MICAL1: variants seen among roughly 807,000 people sequenced by gnomAD.
MICAL1 encodes the protein [F-actin]-monooxygenase MICAL1.
In MICAL1, 95 loss-of-function variants were observed where a neutral mutation model predicts 131.8. The ratio of observed to expected loss-of-function variants is 0.72; its 90% CI spans 0.61 to 0.86. The LOEUF (loss-of-function observed/expected upper bound fraction) is 0.86, where lower values mean the gene tolerates loss of function less well. Ranked by LOEUF, MICAL1 falls within the 40% of genes least tolerant of loss-of-function variation. MICAL1 has a pLI of 0.00. For synonymous variants in MICAL1, 546 were observed against 554.2 expected (o/e 0.99, Z 0.21); for missense variants, 1,292 against 1,380.6 (o/e 0.94, Z 1.02).
chr6:109,448,103 C>CACACACACACACACACACACAT, intron 13 of MICAL1, 100 bp downstream of exon 13: 1 of 1,348,994 alleles, frequency 7.4e-7, no homozygotes, highest in East Asian at 2.5e-5. Flanking sequence ...TTCTGACACA[C>CACACACACACACACACACACAT]ACACACACAC....
intron 1 of MICAL1, 139 bp from the exon 2 acceptor site, chr6:109,454,378 C>G: frequency 1.1e-6 from 1 of 894,310 alleles, no homozygotes; most frequent in Non-Finnish European, 1.6e-6. Flanking sequence ...CAGCCCATTC[C>G]CCTGCCAGCA....
At chr6:109,458,280 A>T (rs1775806396), upstream of MICAL1, among the ~76,000 whole-genome samples, 1 of 152,122 alleles carries the variant, frequency 6.6e-6, no homozygotes, top group African/African-American at 2.4e-5. Context: ...TAAGTGGGTG[A>T]CACATGAAGT....
rs1468754645 is a variant in MICAL1, at chr6:109,448,736, G to A, written c.1660C>T (p.Leu554=). The change falls in exon 12 of 25, where the codon CTG becomes TTG. Residue 554 remains leucine, a synonymous_variant. Transcript: ENST00000358807. ...GTGGGTCTGCCAGGGACTCACAGCA[G>A]GCCAGGCTGCAGCCGGTACACCAGG... ...CALVYRLQPG[L]LEPSELQGLG... 8 of 1,614,022 alleles carry A rather than the reference G, an allele frequency of 5.0e-6. No individual in the cohort carries two copies. The South Asian group carries it at 8.8e-5, about 18-fold the overall frequency.
At position 109,453,336 on chromosome 6, in the gene MICAL1, C is replaced by T; in HGVS notation, c.498G>A (p.Lys166=). ...TTTCCACCCCCAGCAGCAATGCTAC[C>T]TTCAGCAGAAGCAGCTGGAGCTGCC... The part of the protein sequence containing the change: ...SIRQLQLLLL[K]VALLLGVEIH... Residue 166 remains lysine (K), a synonymous_variant, in exon 4 of 25, where the codon AAG becomes AAA. Transcript: ENST00000358807. 1 of 1,614,090 alleles carries T rather than the reference C, an allele frequency of 6.2e-7. No homozygotes were observed. Among genetic ancestry groups the T allele is most frequent in the Non-Finnish European group, 8.5e-7 (1 of 1,180,012 alleles).
In MICAL1 at chr6:109,444,189, G is replaced by T; in HGVS notation, c.*2C>A. ...GAACGAAAGCAGACGGCCCACCCTC[G>T]TCTAGCCCTGGGCCCCTGTCCCCAA... On this transcript the variant is annotated 3_prime_UTR_variant, in exon 25 of 25. Transcript: ENST00000358807. The T allele has an allele frequency of 6.2e-7, 1 of 1,611,698 alleles. No homozygotes were observed. Among genetic ancestry groups the T allele is most frequent in the South Asian group, 1.1e-5 (1 of 91,040 alleles).
At chr6:109,465,262 TAA>T (rs1776004960) in intron 1 of MICAL1, 1 of 173,424 alleles carries the variant, frequency 5.8e-6, no homozygotes, top group Non-Finnish European at 1.2e-5. Flanking sequence ...TCTGAAGTGT[TAA>T]CACAATAAGC....
rs1228561355 is a variant in MICAL1, at chr6:109,454,147, A to T, written c.50T>A (p.Phe17Tyr). The T allele has an allele frequency of 6.2e-7, 1 of 1,612,488 alleles. No homozygotes were observed. The highest frequency in any genetic ancestry group is 8.5e-7 in the Non-Finnish European group (1 of 1,179,544). ...TNPAHAHFES[F>Y]LQAQLCQDVL... ...GTCCTGGCACAGCTGGGCCTGCAGG[A>T]AGCTCTCAAAGTGGGCATGCGCTGG... Residue 17 changes from phenylalanine to tyrosine, a missense_variant, in exon 2 of 25, where the codon TTC becomes TAC. By Grantham distance (22) the Phe-to-Tyr change is conservative. Transcript: ENST00000358807.
At chr6:109,446,446 G>T in intron 18 of MICAL1, 34 bp from the exon 19 acceptor site, 1 of 604,882 alleles carries the variant, frequency 1.7e-6, no homozygotes, top group Non-Finnish European at 2.2e-6. Flanking sequence ...GAGGTCGGGG[G>T]GTGAGGCCAC....
Position 109,452,614 on chromosome 6 carries a change from C to T in MICAL1, c.573G>A (p.Gly191=). ...GTTGGAGCTGGGCACGCCAGCCACT[C>T]CCTAGGGCAGGGGGTATGAGAGGCA... ...FTGLQPPPRK[G]SGWRAQLQPN... is the part of the protein sequence containing the mutation. The change falls in exon 5 of 25, where the codon GGG becomes GGA. Residue 191 remains glycine, a splice_region_variant and synonymous_variant. Transcript: ENST00000358807. The T allele has an allele frequency of 1.2e-6, 2 of 1,611,846 alleles. No individual in the cohort carries two copies. Among genetic ancestry groups the T allele is most frequent in the Non-Finnish European group, 1.7e-6 (2 of 1,179,332 alleles).
chr6:109,449,642 T>A lies in MICAL1; in HGVS notation c.1434+15A>T. ...GTTGGCTTGGGAAGGCTGGTGGGTG[T>A]GTCGGGGGTCTGACCTGATTGGGGG... On this transcript the variant is annotated intron_variant, in intron 10 of 24. Coordinates refer to ENST00000358807, the MANE Select transcript of MICAL1 (RefSeq NM_022765.4). The A allele has an allele frequency of 6.3e-7, 1 of 1,583,330 alleles. No homozygotes were observed. Among genetic ancestry groups the A allele is most frequent in the Middle Eastern group, 1.7e-4 (1 of 5,792 alleles).
chr6:109,462,639 A>G (rs1383412602), intron 1 of MICAL1: 1 of 152,244 alleles, frequency 6.6e-6, no homozygotes, highest in Non-Finnish European at 1.5e-5. Flanking sequence ...CACAACATTT[A>G]TAACACAAGA....
rs771206592 is a variant in MICAL1 at position 109,455,344 on chromosome 6, C to G, written c.-44+375G>C. Among the ~76,000 whole-genome samples, 10 of 152,110 alleles carry G rather than the reference C, an allele frequency of 6.6e-5. No individual in the cohort carries two copies. Among genetic ancestry groups the G allele is most frequent in the Non-Finnish European group, 1.3e-4 (9 of 68,018 alleles). ...TGAAAGCCTCCCGCTGCGGGTGGCCCGGACGAGGGCAGACGGAATCTCATG... is the reference window on the plus strand; with the variant it reads ...TGAAAGCCTCCCGCTGCGGGTGGCCGGGACGAGGGCAGACGGAATCTCATG... On this transcript the variant is annotated intron_variant, in intron 1 of 24. Coordinates refer to ENST00000358807, the MANE Select transcript of MICAL1 (RefSeq NM_022765.4). This position sits in a 1 kb window ranked among gnomAD's most constrained non-coding sequence, Gnocchi z 4.7.
At position 109,447,166 on chromosome 6, in the gene MICAL1, C is replaced by CA. The variant is rs1438623876; in HGVS notation, c.2133dup (p.Val712CysfsTer17). 1.2e-6 allele frequency: 2 copies of CA among 1,614,196 alleles called. No homozygotes were observed. The highest frequency in any genetic ancestry group is 2.2e-5 in the South Asian group (2 of 91,088). The stretch of plus-strand genomic sequence containing the variant: ...CTCCGGTGGAAGAAATGGCCGTTGA[C>CA]ACAGAGGCGTTCCAGGACATAGAGG... On this transcript the variant is annotated frameshift_variant, in exon 17 of 25. Coordinates refer to ENST00000358807, the MANE Select transcript of MICAL1 (RefSeq NM_022765.4). LOFTEE classifies it high-confidence loss of function.
intron 20 of MICAL1, 120 bp downstream of exon 20, chr6:109,445,651 G>C (rs944554068): frequency 6.7e-7 from 1 of 1,501,530 alleles, no homozygotes; most frequent in Non-Finnish European, 9.1e-7. Context: ...AAAAGGTAGA[G>C]GCCAGAGATA....
intron 18 of MICAL1, 30 bp from the exon 19 acceptor site, chr6:109,446,442 G>T (rs143525187): frequency 3.3e-6 from 2 of 597,454 alleles, no homozygotes; most frequent in Non-Finnish European, 4.4e-6. Context: ...GAGTGAGGTC[G>T]GGGGGTGAGG....
intron 11 of MICAL1, 64 bp from the exon 12 acceptor site, chr6:109,448,943 CA>C: frequency 6.3e-7 from 1 of 1,590,224 alleles, no homozygotes; most frequent in Non-Finnish European, 8.5e-7. Context: ...ATAGGGAGCC[CA>C]GCTGCTGCAT....
At chr6:109,446,894 T>C in intron 17 of MICAL1, 122 bp from the exon 18 acceptor site, 1 of 1,247,554 alleles carries the variant, frequency 8.0e-7, no homozygotes, top group Non-Finnish European at 1.1e-6. Flanking sequence ...TCTGCCAGCC[T>C]CCTGTTCCTC....
rs1331531795 is a variant in MICAL1 at position 109,445,445 on chromosome 6, C to T, written c.2758G>A (p.Glu920Lys). The change falls in exon 21 of 25, where the codon GAG becomes AAG. Residue 920 changes from glutamate (E) to lysine (K), a missense_variant. By Grantham distance (56) the Glu-to-Lys change is moderately conservative (BLOSUM62 1). Coordinates refer to ENST00000358807, the MANE Select transcript of MICAL1 (RefSeq NM_022765.4). ...GCCTTGCAGAACCTCTTCATCTCCT[C>T]CTCCTTCGCACGGCGCAGCAGAGTC... Reference protein sequence around the residue: ...RRTLLRRAKEEEMKRFCKAQT... With the variant: ...RRTLLRRAKEKEMKRFCKAQT... 1 of 1,613,972 alleles carries T rather than the reference C, an allele frequency of 6.2e-7. No homozygotes were observed. Among genetic ancestry groups the T allele is most frequent in the Non-Finnish European group, 8.5e-7 (1 of 1,180,042 alleles).
intron 17 of MICAL1, 56 bp downstream of exon 17, chr6:109,447,017 T>C: frequency 2.5e-6 from 4 of 1,586,836 alleles, no homozygotes; most frequent in Non-Finnish European, 3.4e-6. Flanking sequence ...AAGCTCTGTG[T>C]CCCCCAAGCA....
Sources: gnomAD v4.1 joint callset for allele counts (sites outside exome capture counted in the v4.1 genomes callset) on GRCh38, gnomAD v4.1.1 for gene constraint, Gnocchi (gnomAD v3.1) non-coding constraint, MANE v1.5 for transcripts, NCBI Gene and HGNC (gene_info 2026-07-23, HGNC 2026-07-21) for gene names.